Variants in EVC2 observed in about 807,000 individuals in gnomAD.
EVC2 encodes the protein limbin.
Under a neutral mutation model 149.3 loss-of-function variants are expected in EVC2, and 148 were observed. The observed-to-expected ratio is 0.99, with a 90% CI of 0.87 to 1.14. The LOEUF (loss-of-function observed/expected upper bound fraction) is 1.14. Among genes scored for constraint, EVC2 ranks in the 50% most tolerant of loss-of-function variants. The pLI is 0.00. For synonymous variants in EVC2, 776 were observed against 649.9 expected (o/e 1.19, Z -2.95); for missense variants, 1,854 against 1,627.3 (o/e 1.14, Z -2.40).
chr4:5,659,238 A>G (rs1051714473), intron 9 of EVC2, among the ~76,000 whole-genome samples: 10 of 152,206 alleles, frequency 6.6e-5, no homozygotes, highest in Admixed American at 5.9e-4. Flanking sequence ...TACAAATGCG[A>G]TAACTGATTT....
chr4:5,674,763 G>A (rs976663752), intron 7 of EVC2, among the ~76,000 whole-genome samples: 3 of 152,158 alleles, frequency 2.0e-5, no homozygotes, highest in African/African-American at 4.8e-5. Context: ...CCTGAATGGA[G>A]GCCCCTCAAG....
In EVC2 at chr4:5,696,353, G is replaced by T. The variant is rs192063543; in HGVS notation, c.283+1240C>A. Among the ~76,000 whole-genome samples the T allele has an allele frequency of 6.6e-6, 1 of 152,088 alleles. No individual in the cohort carries two copies. The highest frequency in any genetic ancestry group is 2.4e-5 in the African/African-American group (1 of 41,424). On this transcript the variant is annotated intron_variant, in intron 2 of 21. Transcript: ENST00000344408. This position sits in a 1 kb window ranked among gnomAD's most constrained non-coding sequence, Gnocchi z 4.1. ...CCCTCCTCTATTCAGCAAGAATCCC[G>T]CTCAGTCTACAGAGCCAAGTGGGGC...
At chr4:5,638,406 A>T (rs1717046034) in intron 10 of EVC2, among the ~76,000 whole-genome samples, 1 of 151,914 alleles carries the variant, frequency 6.6e-6, no homozygotes, top group Non-Finnish European at 1.5e-5. Context: ...AAAAAAAAAA[A>T]AATTGTAACA....
chr4:5,599,360 G>A (rs1482517242), intron 16 of EVC2, among the ~76,000 whole-genome samples: 6 of 152,146 alleles, frequency 3.9e-5, no homozygotes, highest in African/African-American at 1.4e-4. Context: ...AGAAAATGTG[G>A]CACATATACA....
In EVC2 at chr4:5,640,786, T is replaced by C. The variant is rs138972736; in HGVS notation, c.1198A>G (p.Thr400Ala). The C allele has an allele frequency of 1.2e-3, 1,911 of 1,614,186 alleles. 29 individuals carry two copies. The African/African-American group carries it at 0.023, about 19-fold the overall frequency. The change falls in exon 10 of 22, where the codon ACA becomes GCA. Residue 400 changes from threonine to alanine, a missense_variant. Thr to Ala is a moderately conservative substitution (Grantham distance 58). Coordinates refer to ENST00000344408, the MANE Select transcript of EVC2 (RefSeq NM_147127.5). The surrounding 1 kb of genome is among the most constrained non-coding windows in gnomAD (Gnocchi z 4.6). ...RADADLEACR[T>A]QISKDIIALL... ...GCAATGATATCCTTGCTGATTTGTG[T>C]TCGACAAGCCTCCAGATCTGCATCT...
downstream of EVC2, among the ~76,000 whole-genome samples, chr4:5,560,018 A>G (rs993151873): frequency 1.3e-4 from 19 of 151,878 alleles, no homozygotes; most frequent in African/African-American, 4.6e-4. This position sits in a 1 kb window ranked among gnomAD's most constrained non-coding sequence, Gnocchi z 4.1. Flanking sequence ...CCAAATTCCC[A>G]CGGCAGGATT....
chr4:5,641,281 T>A (rs1376172259), intron 9 of EVC2, among the ~76,000 whole-genome samples: 1 of 152,190 alleles, frequency 6.6e-6, no homozygotes. Context: ...GATTAAAAAC[T>A]ATGAAAATCT....
intron 21 of EVC2, among the ~76,000 whole-genome samples, chr4:5,556,313 T>C (rs1721839626): frequency 6.6e-6 from 1 of 151,830 alleles, no homozygotes; most frequent in South Asian, 2.1e-4. Flanking sequence ...CGTAATATAT[T>C]CAGATTAAAT....
intron 16 of EVC2, among the ~76,000 whole-genome samples, chr4:5,593,097 A>G (rs550866676): frequency 6.6e-6 from 1 of 152,258 alleles, no homozygotes; most frequent in East Asian, 1.9e-4. Flanking sequence ...CACTTCTGCC[A>G]TGATTGTAAG....
intron 8 of EVC2, 103 bp from the exon 9 acceptor site, chr4:5,663,349 C>A: frequency 1.3e-6 from 2 of 1,490,878 alleles, no homozygotes; most frequent in Non-Finnish European, 9.3e-7. Context: ...TCTGAGCACC[C>A]AATCAGCCCC....
rs1720760104 is a variant in EVC2 at position 5,686,961 on chromosome 4, A to C, written c.707-1482T>G. On this transcript the variant is annotated intron_variant, in intron 5 of 21. Transcript: ENST00000344408. The surrounding 1 kb of genome is among the most constrained non-coding windows in gnomAD (Gnocchi z 5.4). ...CAAGAATGGAGCAGTAAGAATAAAA[A>C]TAACAACAACAGTGGCCGGGCATGG... Among the ~76,000 whole-genome samples the C allele has an allele frequency of 2.0e-5, 3 of 152,214 alleles. No homozygotes were observed. In the South Asian group the frequency reaches 6.2e-4, roughly 32 times the overall value.
downstream of EVC2, among the ~76,000 whole-genome samples, chr4:5,537,779 T>C (rs1423898994): frequency 1.3e-5 from 2 of 152,176 alleles, no homozygotes; most frequent in African/African-American, 4.8e-5. Context: ...AATTTGTGGA[T>C]GTCACTAACA....
the EVC2 span, among the ~76,000 whole-genome samples, chr4:5,536,652 C>T: frequency 2.5e-4 from 38 of 152,036 alleles, 1 homozygote; most frequent in East Asian, 3.9e-4. Flanking sequence ...GGCATGGTGG[C>T]GGGCACCTGT....
intron 7 of EVC2, among the ~76,000 whole-genome samples, chr4:5,671,622 C>T (rs968884441): frequency 6.6e-6 from 1 of 152,200 alleles, no homozygotes; most frequent in Non-Finnish European, 1.5e-5. Context: ...AGCGATTCTC[C>T]TGCCTCAGCC....
At chr4:5,692,241 T>C (rs1721166543) in intron 3 of EVC2, among the ~76,000 whole-genome samples, 1 of 152,190 alleles carries the variant, frequency 6.6e-6, no homozygotes, top group Admixed American at 6.5e-5. Context: ...TTTCCCAGGC[T>C]GGCCTTGGAC....
intron 1 of EVC2, among the ~76,000 whole-genome samples, chr4:5,705,231 G>A (rs1722061560): frequency 2.6e-5 from 4 of 152,158 alleles, no homozygotes; most frequent in Admixed American, 2.6e-4. Context: ...TAATGAAATG[G>A]TGAAAATGAT....
At chr4:5,664,578 C>A (rs1214701143) in intron 8 of EVC2, among the ~76,000 whole-genome samples, 1 of 152,142 alleles carries the variant, frequency 6.6e-6, no homozygotes, top group Non-Finnish European at 1.5e-5. Flanking sequence ...CTTTTGCCCG[C>A]CAAGGAGACT....
intron 16 of EVC2, among the ~76,000 whole-genome samples, chr4:5,599,371 C>T (rs927668250): frequency 1.3e-5 from 2 of 152,072 alleles, no homozygotes; most frequent in Admixed American, 1.3e-4. Flanking sequence ...CACATATACA[C>T]CATGGAATAC....
chr4:5,535,625 G>GAGAGAGAGAGAT, the EVC2 span, among the ~76,000 whole-genome samples: 617 of 150,558 alleles, frequency 4.1e-3, 6 homozygotes, highest in African/African-American at 0.014. The surrounding 1 kb of genome is among the most constrained non-coding windows in gnomAD (Gnocchi z 4.7). Flanking sequence ...GAGAGAGAGA[G>GAGAGAGAGAGAT]AGAGAGAGAA....
Sources: gnomAD v4.1 joint callset for allele counts (sites outside exome capture counted in the v4.1 genomes callset) on GRCh38, gnomAD v4.1.1 for gene constraint, Gnocchi (gnomAD v3.1) non-coding constraint, MANE v1.5 for transcripts, NCBI Gene and HGNC (gene_info 2026-07-23, HGNC 2026-07-21) for gene names.